Variants in RUNDC3B observed in about 807,000 individuals in gnomAD.
RUNDC3B encodes RUN domain containing 3B, also known as RUN domain-containing protein 3B.
RUNDC3B carries 33 observed loss-of-function variants against 58.4 expected under a neutral mutation model. The ratio of observed to expected loss-of-function variants is 0.56; its 90% CI spans 0.43 to 0.75. The LOEUF is 0.75. Ranked by LOEUF, RUNDC3B falls within the 30% of genes least tolerant of loss-of-function variation. The pLI, the probability that RUNDC3B is intolerant of heterozygous loss-of-function variation, is 0.00. For synonymous variants in RUNDC3B, 193 were observed against 195.2 expected, an observed-to-expected ratio of 0.99 and a Z score of 0.10; for missense variants, 501 against 535.7, an observed-to-expected ratio of 0.94 and a Z score of 0.64.
intron 8 of RUNDC3B, among the ~76,000 whole-genome samples, chr7:87,795,257 A>T (rs1835751573): frequency 6.6e-6 from 1 of 152,254 alleles, no homozygotes; most frequent in South Asian, 2.1e-4. Context: ...ATCAGAATAT[A>T]AGGAATTCAA....
rs547037369 is a variant in RUNDC3B, at chr7:87,725,984, G to A, written c.459-13807G>A. On this transcript the variant is annotated intron_variant, in intron 4 of 10. Transcript: ENST00000394654. ...TTGCCTGAGTTCTTTGTAGATTCTG[G>A]ATATTAGCCCTTTGTCAGATGAGTA... Among the ~76,000 whole-genome samples the A allele has an allele frequency of 3.7e-4, 57 of 152,244 alleles. No homozygotes were observed. In the South Asian group the frequency reaches 7.0e-3, roughly 19 times the overall value.
At position 87,713,210 on chromosome 7, in the gene RUNDC3B, T is replaced by C. The variant is rs1830247847; in HGVS notation, c.458+2555T>C. ...TGAGTACTCCTAGGAGAATGAGAAATGATCTCTAATCTTTAGGAATCTGGA... is the reference window on the plus strand; with the variant it reads ...TGAGTACTCCTAGGAGAATGAGAAACGATCTCTAATCTTTAGGAATCTGGA... On this transcript the variant is annotated intron_variant, in intron 4 of 10. Coordinates refer to ENST00000394654, the MANE Select transcript of RUNDC3B (RefSeq NM_001134405.2). 4 of 152,186 alleles carry C rather than the reference T, an allele frequency of 2.6e-5. 1 individual carries two copies. The South Asian group carries it at 8.3e-4, about 31-fold the overall frequency. 9.4% of individuals were successfully genotyped at this position (152,186 alleles called of 1,614,324 possible).
intron 6 of RUNDC3B, among the ~76,000 whole-genome samples, chr7:87,747,187 C>G (rs1342552730): frequency 6.6e-6 from 1 of 152,156 alleles, no homozygotes; most frequent in Non-Finnish European, 1.5e-5. Flanking sequence ...AGTACTCTCC[C>G]CCTTTTCCTA....
chr7:87,671,455 A>G (rs1353091065), intron 2 of RUNDC3B, among the ~76,000 whole-genome samples: 1 of 152,068 alleles, frequency 6.6e-6, no homozygotes, highest in Non-Finnish European at 1.5e-5. Flanking sequence ...ATGGGCACCT[A>G]CTTAACACTC....
chr7:87,641,123 A>G (rs907737491), intron 1 of RUNDC3B, among the ~76,000 whole-genome samples: 2 of 152,018 alleles, frequency 1.3e-5, no homozygotes, highest in Non-Finnish European at 2.9e-5. Context: ...TTATTAAGTT[A>G]TTTCTTTAAT....
intron 8 of RUNDC3B, among the ~76,000 whole-genome samples, chr7:87,787,840 A>T (rs1835304044): frequency 6.6e-6 from 1 of 152,242 alleles, no homozygotes; most frequent in Non-Finnish European, 1.5e-5. Context: ...CAGGGAGATA[A>T]GTAGAAAATT....
chr7:87,789,166 T>A lies in RUNDC3B; in HGVS notation c.956+11211T>A, dbSNP rs183915394. Among the ~76,000 whole-genome samples, 6 of 152,316 alleles carry A rather than the reference T, an allele frequency of 3.9e-5. No homozygotes were observed. The East Asian group carries it at 1.2e-3, about 29-fold the overall frequency. ...ATAGCCACGGAACAGCTTGCAAAGC[T>A]TGAACACATTTGTCATATTTAACAC... On this transcript the variant is annotated intron_variant, in intron 8 of 10. Coordinates refer to ENST00000394654, the MANE Select transcript of RUNDC3B (RefSeq NM_001134405.2).
At chr7:87,688,180 A>C (rs1827659512) in intron 2 of RUNDC3B, among the ~76,000 whole-genome samples, 1 of 152,166 alleles carries the variant, frequency 6.6e-6, no homozygotes, top group Non-Finnish European at 1.5e-5. Flanking sequence ...ATTGTATCTC[A>C]GAAAATCATC....
intron 8 of RUNDC3B, among the ~76,000 whole-genome samples, chr7:87,781,086 C>G (rs958864525): frequency 2.0e-5 from 3 of 152,122 alleles, no homozygotes. Flanking sequence ...GCAGTATGGT[C>G]ATTTTCACAG....
chr7:87,724,347 A>G (rs910372384), intron 4 of RUNDC3B, among the ~76,000 whole-genome samples: 30 of 152,208 alleles, frequency 2.0e-4, no homozygotes, highest in Non-Finnish European at 1.8e-4. Context: ...TGTGTATTTT[A>G]TAGAAAAACA....
intron 8 of RUNDC3B, among the ~76,000 whole-genome samples, chr7:87,802,609 T>C (rs1041859777): frequency 5.9e-5 from 9 of 152,240 alleles, no homozygotes; most frequent in Admixed American, 1.3e-4. Context: ...CTTGAGGTGA[T>C]GGATTCCCCA....
At chr7:87,629,237 A>G in intron 1 of RUNDC3B, 1 of 320,808 alleles carries the variant, frequency 3.1e-6, no homozygotes, top group Non-Finnish European at 5.7e-6. Context: ...GTCAGAGTGA[A>G]AGAGGAGGGC....
chr7:87,731,512 C>A (rs564335742), intron 4 of RUNDC3B, among the ~76,000 whole-genome samples: 1 of 152,116 alleles, frequency 6.6e-6, no homozygotes, highest in Admixed American at 6.5e-5. Context: ...AATTATGTTG[C>A]CTACAAGAAA....
At chr7:87,686,776 GAAA>G (rs555870738) in intron 2 of RUNDC3B, among the ~76,000 whole-genome samples, 1 of 106,966 alleles carries the variant, frequency 9.3e-6, no homozygotes. Flanking sequence ...CCCGCCTCTA[GAAA>G]AAAAAAAAAA....
At chr7:87,665,511 C>T (rs942890781) in intron 2 of RUNDC3B, among the ~76,000 whole-genome samples, 3 of 152,032 alleles carry the variant, frequency 2.0e-5, no homozygotes, top group Non-Finnish European at 4.4e-5. Context: ...CCATACTACC[C>T]AAAGTGACCT....
chr7:87,812,346 C>T (rs1357341258), intron 9 of RUNDC3B, among the ~76,000 whole-genome samples: 2 of 152,254 alleles, frequency 1.3e-5, no homozygotes, highest in Non-Finnish European at 2.9e-5. Context: ...CAGTGGCTCA[C>T]ATTTGTAATC....
intron 6 of RUNDC3B, 116 bp from the exon 7 acceptor site, chr7:87,770,465 T>C (rs1001038308): frequency 1.3e-6 from 1 of 770,376 alleles, no homozygotes; most frequent in African/African-American, 1.8e-5. Context: ...ATTATAATTT[T>C]GTATTTAGTA....
chr7:87,821,173 A>T (rs533471791), intron 10 of RUNDC3B, among the ~76,000 whole-genome samples: 4,249 of 151,994 alleles, frequency 0.028, 57 homozygotes, highest in Middle Eastern at 0.048. Flanking sequence ...CCTTAAGCTG[A>T]TAAGCAACTT....
intron 8 of RUNDC3B, among the ~76,000 whole-genome samples, chr7:87,780,199 A>G (rs1329140259): frequency 6.6e-6 from 1 of 152,174 alleles, no homozygotes; most frequent in Non-Finnish European, 1.5e-5. Flanking sequence ...TATTTGAGAA[A>G]TCTCCAAACT....
Sources: allele counts gnomAD v4.1 joint callset (sites outside exome capture counted in the v4.1 genomes callset), GRCh38; gene constraint gnomAD v4.1.1; transcripts MANE v1.5; gene names NCBI Gene and HGNC (gene_info 2026-07-23, HGNC 2026-07-21).